The following VWF variants were observed in gnomAD, a reference collection of about 807,000 sequenced individuals.
VWF encodes Factor VIII related antigen.
A neutral mutation model predicts 308.6 loss-of-function variants in VWF; 176 were observed. The observed-to-expected ratio is 0.57, with a 90% CI of 0.50 to 0.65. The LOEUF (loss-of-function observed/expected upper bound fraction) is 0.65. Ranked by LOEUF, VWF falls within the 30% of genes least tolerant of loss-of-function variation. The pLI is 0.00. For missense variants in VWF, 3,146 were observed against 3,648.2 expected (o/e 0.86, Z 3.55); for synonymous variants, 1,385 against 1,443.4 (o/e 0.96, Z 0.92).
chr12:6,101,537 G>A (rs1469635919), intron 5 of VWF, among the ~76,000 whole-genome samples: 1 of 148,690 alleles, frequency 6.7e-6, no homozygotes, highest in African/African-American at 2.5e-5. Flanking sequence ...AGCATTTTGG[G>A]AGGCCGAGGA....
intron 34 of VWF, 38 bp from the exon 35 acceptor site, chr12:5,996,260 C>G: frequency 2.5e-6 from 4 of 1,570,922 alleles, no homozygotes; most frequent in Non-Finnish European, 3.5e-6. Flanking sequence ...GCGACGTTAT[C>G]CAAACCCCCA....
In VWF at chr12:5,991,191, ACACACACACACACACG is replaced by A. The variant is rs1267522679; in HGVS notation, c.6798+612_6798+627del. 3.6e-5 allele frequency among the ~76,000 whole-genome samples: 5 copies of A among 137,200 alleles called. No homozygotes were observed. In the Admixed American group the frequency reaches 3.9e-4, roughly 11 times the overall value. 90.0% of individuals were successfully genotyped at this position (137,200 alleles called of 152,430 possible). On this transcript the variant is annotated intron_variant, in intron 38 of 51. Coordinates refer to ENST00000261405, the MANE Select transcript of VWF (RefSeq NM_000552.5). Reference sequence around the variant, plus strand: ...CTCACACACACACACACACACACACACACACACACACACACGCATGCACACACACGCTCCATGATCA... The same window carrying A: ...CTCACACACACACACACACACACACACATGCACACACACGCTCCATGATCA...
chr12:6,016,002 C>T, intron 31 of VWF, 87 bp downstream of exon 31: 1 of 1,570,336 alleles, frequency 6.4e-7, no homozygotes, highest in South Asian at 1.1e-5. Flanking sequence ...GCCACAACAT[C>T]CAAAAGTAAC....
rs62643619 is a variant in VWF at position 6,121,182 on chromosome 12, G to A, written c.212C>T (p.Ser71Leu). The change falls in exon 3 of 52, where the codon TCG (serine) becomes TTG (leucine). Residue 71 changes from serine (S) to leucine (L), a missense_variant. Physicochemically the swap from Ser to Leu is moderately radical, Grantham distance 145. Transcript: ENST00000261405. ...LAGGCQKRSF[S>L]IIGDFQNGKR... ...CAGTGCCCAGAACTCACCAATAATC[G>A]AGAAGGAGCGTTTCTGGCAGCCCCC... 9.3e-6 allele frequency: 15 copies of A among 1,613,978 alleles called. No homozygotes were observed. In the South Asian group the frequency reaches 9.9e-5, roughly 11 times the overall value.
intron 19 of VWF, among the ~76,000 whole-genome samples, chr12:6,035,209 A>C (rs1944322613): frequency 6.6e-6 from 1 of 152,216 alleles, no homozygotes; most frequent in African/African-American, 2.4e-5. Flanking sequence ...AAACAGACAC[A>C]CTGATGTTGA....
At chr12:6,103,451 TATATGTGTATATACAC>T (rs1457239227) in intron 5 of VWF, among the ~76,000 whole-genome samples, 2 of 95,982 alleles carry the variant, frequency 2.1e-5, no homozygotes, top group Non-Finnish European at 4.0e-5. Flanking sequence ...TACATACACA[TATATGTGTATATACAC>T]ATATGTGTGT....
chr12:5,964,262 ACATACATACATGCATACATACATG>A (rs1161495290), intron 47 of VWF, among the ~76,000 whole-genome samples: 6 of 141,786 alleles, frequency 4.2e-5, no homozygotes, highest in African/African-American at 1.8e-4. Flanking sequence ...ATACATACAT[ACATACATACATGCATACATACATG>A]CATACATACA....
chr12:6,083,067 T>C (rs1720618850), intron 6 of VWF, among the ~76,000 whole-genome samples: 1 of 152,186 alleles, frequency 6.6e-6, no homozygotes, highest in Non-Finnish European at 1.5e-5. Context: ...TGGAGTGCAA[T>C]GGCGTGATCT....
intron 8 of VWF, 62 bp from the exon 9 acceptor site, chr12:6,072,504 C>CT: frequency 2.2e-6 from 3 of 1,342,972 alleles, no homozygotes; most frequent in Non-Finnish European, 3.2e-6. Flanking sequence ...CATCCCACAA[C>CT]TATAGAATCC....
chr12:6,082,974 C>T (rs376412086), intron 6 of VWF, among the ~76,000 whole-genome samples: 124 of 152,272 alleles, frequency 8.1e-4, no homozygotes, highest in African/African-American at 2.5e-3. Flanking sequence ...GGCTGTAGCT[C>T]AGGTTTTAGA....
intron 38 of VWF, among the ~76,000 whole-genome samples, chr12:5,989,231 C>T (rs1206700016): frequency 6.6e-6 from 1 of 152,198 alleles, no homozygotes; most frequent in Non-Finnish European, 1.5e-5. Flanking sequence ...CCTCTTTAGA[C>T]TCTGTTTTGT....
At chr12:6,072,226 G>A (rs1944789356) in intron 9 of VWF, 105 bp downstream of exon 9, 3 of 1,031,842 alleles carry the variant, frequency 2.9e-6, no homozygotes, top group South Asian at 1.3e-5. Flanking sequence ...TTCTTTCTTG[G>A]CACGGTCCAG....
chr12:6,110,327 A>G, intron 5 of VWF, 47 bp downstream of exon 5: 1 of 1,596,120 alleles, frequency 6.3e-7, no homozygotes, highest in Non-Finnish European at 8.6e-7. Context: ...CAAGGAAATA[A>G]AAAGCATGGC....
intron 42 of VWF, among the ~76,000 whole-genome samples, chr12:5,979,353 A>G (rs1943567382): frequency 6.6e-6 from 1 of 152,232 alleles, no homozygotes. Flanking sequence ...ATCTTAGACA[A>G]CAAACACTTA....
intron 1 of VWF, among the ~76,000 whole-genome samples, chr12:6,123,792 A>C (rs986735321): frequency 2.6e-5 from 4 of 152,188 alleles, no homozygotes. Context: ...AGTTCATCTG[A>C]AAAAATGGAC....
At position 6,026,038 on chromosome 12, in the gene VWF, C is replaced by T; in HGVS notation, c.2976G>A (p.Val992=). The T allele has an allele frequency of 6.2e-7, 1 of 1,613,988 alleles. No homozygotes were observed. Among genetic ancestry groups the T allele is most frequent in the African/African-American group, 1.3e-5 (1 of 75,048 alleles). ...CATCAAAATTCCCACACAGGCCACA[C>T]ACTTTCTCCTTGAGAGACAAGTTGA... ...VVLKQTYQEK[V]CGLCGNFDGI... is the part of the protein sequence containing the mutation. The change falls in exon 23 of 52, where the codon GTG becomes GTA. Residue 992 remains valine (V), a synonymous_variant. Transcript: ENST00000261405.
chr12:6,053,243 A>G (rs1057046903), intron 15 of VWF, among the ~76,000 whole-genome samples: 1 of 152,208 alleles, frequency 6.6e-6, no homozygotes, highest in African/African-American at 2.4e-5. Flanking sequence ...AATGAGTACC[A>G]TTTATGGAGC....
At chr12:6,111,654 AT>A (rs1945309062) in intron 3 of VWF, among the ~76,000 whole-genome samples, 1 of 152,156 alleles carries the variant, frequency 6.6e-6, no homozygotes, top group Non-Finnish European at 1.5e-5. Flanking sequence ...TAGCAGTGCT[AT>A]TTAAAATGGT....
At chr12:6,108,750 G>C (rs1945271464) in intron 5 of VWF, among the ~76,000 whole-genome samples, 1 of 152,116 alleles carries the variant, frequency 6.6e-6, no homozygotes, top group Non-Finnish European at 1.5e-5. Flanking sequence ...GGGAGGCCGA[G>C]GGGGGCAGAT....
Sources: allele counts gnomAD v4.1 joint callset (sites outside exome capture counted in the v4.1 genomes callset), GRCh38; gene constraint gnomAD v4.1.1; transcripts MANE v1.5; gene names NCBI Gene and HGNC (gene_info 2026-07-23, HGNC 2026-07-21).